MARCHF1: variants seen among roughly 807,000 people sequenced by gnomAD.
The protein encoded by MARCHF1 is E3 ubiquitin-protein ligase MARCHF1.
Under a neutral mutation model 54.2 loss-of-function variants are expected in MARCHF1, and 40 were observed. The observed-to-expected ratio is 0.74, with a 90% confidence interval of 0.57 to 0.96. MARCHF1 has a LOEUF of 0.96. Ranked by LOEUF, MARCHF1 falls within the 40% of genes least tolerant of loss-of-function variation. The pLI is 0.00. For synonymous variants in MARCHF1, 236 were observed against 236.3 expected (o/e 1.00, Z 0.01); for missense variants, 586 against 656.5 (o/e 0.89, Z 1.17).
chr4:163,680,006 T>C (rs1744053178), intron 5 of MARCHF1, among the ~76,000 whole-genome samples: 1 of 150,878 alleles, frequency 6.6e-6, no homozygotes. Context: ...CTTTTCTAAA[T>C]TGACTAACAA....
At chr4:163,537,250 T>C (rs186399591) in intron 9 of MARCHF1, among the ~76,000 whole-genome samples, 223 of 152,310 alleles carry the variant, frequency 1.5e-3, no homozygotes, top group African/African-American at 5.2e-3. Context: ...TTGCCTCCTT[T>C]TATTGAGACA....
chr4:163,778,415 C>T (rs865868432), intron 4 of MARCHF1, among the ~76,000 whole-genome samples: 10 of 152,204 alleles, frequency 6.6e-5, no homozygotes, highest in African/African-American at 2.4e-4. Context: ...GTATGTGGTA[C>T]CATCTCATTG....
chr4:164,068,819 G>A (rs1388499777), intron 2 of MARCHF1, among the ~76,000 whole-genome samples: 1 of 152,220 alleles, frequency 6.6e-6, no homozygotes, highest in Non-Finnish European at 1.5e-5. Context: ...CTGGGCCCCT[G>A]AGTCTGGTGG....
In MARCHF1 at chr4:163,737,166, T is replaced by C. The variant is rs1470095773; in HGVS notation, c.112-36303A>G. 2.2e-3 allele frequency among the ~76,000 whole-genome samples: 135 copies of C among 61,210 alleles called. 7 individuals are homozygous for C. Among genetic ancestry groups the C allele is most frequent in the African/African-American group, 5.4e-3 (131 of 24,466 alleles). 40.2% of individuals were successfully genotyped at this position (61,210 alleles called of 152,430 possible). A position where few individuals can be genotyped will look rare whatever the true frequency, so the allele number is the denominator to read the frequency against. On this transcript the variant is annotated intron_variant, in intron 4 of 9. Transcript: ENST00000514618. Reference sequence around the variant, plus strand: ...CAGCGCTCGCAGCTTTTTTCTTTCTTTTTTTTTTTTTTTTTTCACATATTA... The same window carrying C: ...CAGCGCTCGCAGCTTTTTTCTTTCTCTTTTTTTTTTTTTTTTCACATATTA...
At chr4:163,922,784 C>A (rs1322887705) in intron 3 of MARCHF1, among the ~76,000 whole-genome samples, 1 of 152,154 alleles carries the variant, frequency 6.6e-6, no homozygotes, top group Non-Finnish European at 1.5e-5. Flanking sequence ...ACTGAACAAA[C>A]AACTCCCTTA....
chr4:163,724,107 T>C (rs1304803293), intron 4 of MARCHF1, among the ~76,000 whole-genome samples: 1 of 152,226 alleles, frequency 6.6e-6, no homozygotes, highest in Non-Finnish European at 1.5e-5. Context: ...ACTCTAATTT[T>C]TAGAATTTTC....
At chr4:164,185,425 G>A (rs1320468871) in intron 1 of MARCHF1, among the ~76,000 whole-genome samples, 1 of 152,116 alleles carries the variant, frequency 6.6e-6, no homozygotes, top group African/African-American at 2.4e-5. Context: ...CCAGTCTTGA[G>A]TCCTGCACAT....
chr4:164,304,567 G>T (rs935404290), intron 1 of MARCHF1, among the ~76,000 whole-genome samples: 2 of 152,150 alleles, frequency 1.3e-5, no homozygotes, highest in Non-Finnish European at 2.9e-5. Flanking sequence ...ATTCTTAGAG[G>T]TACCTAGCCC....
chr4:164,174,438 C>T (rs10517800), intron 1 of MARCHF1, among the ~76,000 whole-genome samples: 27,593 of 152,124 alleles, frequency 0.18, 3,916 homozygotes, highest in African/African-American at 0.38. Context: ...CCAGATGTGT[C>T]ATTCGGCATT....
At chr4:164,168,587 C>T (rs1028598631) in intron 1 of MARCHF1, among the ~76,000 whole-genome samples, 1 of 151,788 alleles carries the variant, frequency 6.6e-6, no homozygotes, top group African/African-American at 2.4e-5. Context: ...AATGATGGAC[C>T]TGCAGAACAT....
intron 3 of MARCHF1, among the ~76,000 whole-genome samples, chr4:163,914,309 T>C (rs1406281375): frequency 6.6e-6 from 1 of 152,160 alleles, no homozygotes; most frequent in African/African-American, 2.4e-5. Flanking sequence ...AAATTATTAA[T>C]ATACATTATT....
intron 4 of MARCHF1, among the ~76,000 whole-genome samples, chr4:163,790,810 G>A (rs955873659): frequency 1.3e-5 from 2 of 152,056 alleles, no homozygotes; most frequent in African/African-American, 4.8e-5. Context: ...GCCCAGCAGT[G>A]GCATGAGGGA....
chr4:164,221,247 A>G (rs942093803), intron 1 of MARCHF1, among the ~76,000 whole-genome samples: 2 of 152,104 alleles, frequency 1.3e-5, no homozygotes, highest in African/African-American at 4.8e-5. Flanking sequence ...TTTCAAATGT[A>G]TAAGTTAAAG....
At chr4:163,753,951 CAA>C (rs1349833465) in intron 4 of MARCHF1, among the ~76,000 whole-genome samples, 3 of 152,074 alleles carry the variant, frequency 2.0e-5, no homozygotes, top group African/African-American at 7.2e-5. Context: ...TGTGAGCAAA[CAA>C]GAGATACCTC....
chr4:163,558,309 T>C (rs1430930295), intron 8 of MARCHF1, among the ~76,000 whole-genome samples: 2 of 152,234 alleles, frequency 1.3e-5, no homozygotes, highest in Non-Finnish European at 2.9e-5. Context: ...GGAATCTCTT[T>C]ATGACTATTT....
Position 164,197,199 on chromosome 4 carries a change from A to T in MARCHF1, c.-322-85537T>A, listed in dbSNP as rs180750699. The T allele has an allele frequency of 6.8e-6, 11 of 1,608,900 alleles. No homozygotes were observed. In the Admixed American group the frequency reaches 1.5e-4, roughly 22 times the overall value. On this transcript the variant is annotated intron_variant, in intron 1 of 9. Transcript: ENST00000514618. ...GAGCATCTTCATCATACTCCTCCTCATGCTCACCCTCCTCCTCGTCATCCA... is the reference window on the plus strand; with the variant it reads ...GAGCATCTTCATCATACTCCTCCTCTTGCTCACCCTCCTCCTCGTCATCCA...
At chr4:164,350,360 G>T (rs529291330) in intron 1 of MARCHF1, among the ~76,000 whole-genome samples, 1 of 152,238 alleles carries the variant, frequency 6.6e-6, no homozygotes, top group South Asian at 2.1e-4. Flanking sequence ...GGGTTGGGGG[G>T]AAGGGAGGAT....
chr4:163,718,566 C>T (rs1250433352), intron 4 of MARCHF1, among the ~76,000 whole-genome samples: 1 of 152,046 alleles, frequency 6.6e-6, no homozygotes, highest in African/African-American at 2.4e-5. Context: ...AAGGCAAAAC[C>T]CATGTGTGTT....
At chr4:164,348,394 T>C (rs1730175725) in intron 1 of MARCHF1, among the ~76,000 whole-genome samples, 1 of 152,198 alleles carries the variant, frequency 6.6e-6, no homozygotes, top group African/African-American at 2.4e-5. Context: ...CTTTCACTTC[T>C]ACATGAATGT....
Sources: allele counts gnomAD v4.1 joint callset (sites outside exome capture counted in the v4.1 genomes callset), GRCh38; gene constraint gnomAD v4.1.1; transcripts MANE v1.5; gene names NCBI Gene and HGNC (gene_info 2026-07-23, HGNC 2026-07-21).